The following GRM7 variants were observed in gnomAD, a reference collection of about 807,000 sequenced individuals.
The protein encoded by GRM7 is metabotropic glutamate receptor 7.
GRM7 carries 35 observed loss-of-function variants against 84.5 expected under a neutral mutation model. The observed-to-expected ratio is 0.41, with a 90% CI of 0.32 to 0.55. GRM7 has a LOEUF of 0.55. Among genes scored for constraint, GRM7 ranks in the 20% least tolerant of loss-of-function variants. The probability of loss-of-function intolerance (pLI) is 0.19; values close to 1 mark genes in which losing one functional copy is unlikely to be tolerated. For missense variants in GRM7, 1,003 were observed against 1,194.6 expected, an observed-to-expected ratio of 0.84 and a Z score of 2.36; for synonymous variants, 487 against 455.1, an observed-to-expected ratio of 1.07 and a Z score of -0.89.
chr3:7,489,708 ATTTAT>A (rs1382900451), intron 7 of GRM7, among the ~76,000 whole-genome samples: 2 of 151,482 alleles, frequency 1.3e-5, no homozygotes, highest in Non-Finnish European at 2.9e-5. Context: ...ACATTGATTA[ATTTAT>A]TAGGTATATA....
intron 2 of GRM7, among the ~76,000 whole-genome samples, chr3:7,245,842 C>G (rs1697736964): frequency 6.6e-6 from 1 of 151,940 alleles, no homozygotes; most frequent in African/African-American, 2.4e-5. Context: ...AATAGTGATG[C>G]ATTTTGAGGC....
At chr3:7,319,483 C>T (rs1700695849) in intron 4 of GRM7, among the ~76,000 whole-genome samples, 1 of 151,994 alleles carries the variant, frequency 6.6e-6, no homozygotes, top group East Asian at 1.9e-4. Context: ...TTCTTGAGAC[C>T]TGTAGCCTTT....
rs561942169 is a variant in GRM7 at position 7,610,748 on chromosome 3, T to A, written c.2451+31391T>A. Among the ~76,000 whole-genome samples, 22 of 152,300 alleles carry A rather than the reference T, an allele frequency of 1.4e-4. No homozygotes were observed. In the South Asian group the frequency reaches 2.3e-3, roughly 16 times the overall value. On this transcript the variant is annotated intron_variant, in intron 8 of 9. Transcript: ENST00000357716. Reference sequence around the variant, plus strand: ...ATTTTAGGCTTCCACGGCCTCCCGATAGTACCCAAGGCCACATGTTCTTAG... The same window carrying A: ...ATTTTAGGCTTCCACGGCCTCCCGAAAGTACCCAAGGCCACATGTTCTTAG...
At chr3:7,067,231 G>A (rs1453462110) in intron 1 of GRM7, among the ~76,000 whole-genome samples, 1 of 151,886 alleles carries the variant, frequency 6.6e-6, no homozygotes, top group Non-Finnish European at 1.5e-5. Context: ...AAGTCAAACT[G>A]TCACTGTTTG....
At chr3:7,392,044 C>T (rs958062360) in intron 4 of GRM7, among the ~76,000 whole-genome samples, 2 of 152,142 alleles carry the variant, frequency 1.3e-5, no homozygotes, top group African/African-American at 4.8e-5. Flanking sequence ...GGTGCAGTTT[C>T]ACGTTTTCTT....
At chr3:7,245,476 G>A (rs76467570) in intron 2 of GRM7, among the ~76,000 whole-genome samples, 1,931 of 151,844 alleles carry the variant, frequency 0.013, 45 homozygotes, top group African/African-American at 0.045. Context: ...GAGAAACAAA[G>A]CCATAAGATA....
At chr3:7,708,129 C>CTT (rs1258084677) in intron 9 of GRM7, among the ~76,000 whole-genome samples, 3 of 148,010 alleles carry the variant, frequency 2.0e-5, no homozygotes, top group African/African-American at 7.4e-5. Flanking sequence ...CTCTCCAAAT[C>CTT]TTTTTTTTTT....
chr3:7,146,129 T>C (rs1694103786), intron 1 of GRM7, among the ~76,000 whole-genome samples: 1 of 152,200 alleles, frequency 6.6e-6, no homozygotes, highest in Non-Finnish European at 1.5e-5. Context: ...TAGTAAAGCA[T>C]GATTCACCAT....
At chr3:7,693,219 A>T (rs1253323848) in intron 9 of GRM7, among the ~76,000 whole-genome samples, 2 of 152,174 alleles carry the variant, frequency 1.3e-5, no homozygotes, top group Non-Finnish European at 2.9e-5. Flanking sequence ...ATGAGTCTTC[A>T]TATACAGATG....
intron 8 of GRM7, among the ~76,000 whole-genome samples, chr3:7,638,536 C>A (rs1698211833): frequency 6.6e-6 from 1 of 152,284 alleles, no homozygotes; most frequent in East Asian, 1.9e-4. Context: ...CACCCTAATG[C>A]AACAAAGCCT....
intron 1 of GRM7, among the ~76,000 whole-genome samples, chr3:7,044,690 A>G (rs1373378937): frequency 5.3e-5 from 8 of 152,052 alleles, no homozygotes. Context: ...TTTTTCTCCT[A>G]TGGAAATGTG....
chr3:7,712,300 A>T (rs1165096445), intron 9 of GRM7, among the ~76,000 whole-genome samples: 1 of 152,204 alleles, frequency 6.6e-6, no homozygotes, highest in African/African-American at 2.4e-5. Context: ...TATGCCATAG[A>T]TACACTGTTA....
At chr3:7,372,713 C>A (rs1339298391) in intron 4 of GRM7, among the ~76,000 whole-genome samples, 4 of 151,940 alleles carry the variant, frequency 2.6e-5, no homozygotes, top group African/African-American at 9.7e-5. Context: ...TTGTCAAGGA[C>A]AATGAACAAT....
Position 7,409,790 on chromosome 3 carries a change from T to C in GRM7, c.1034-5233T>C, listed in dbSNP as rs569947798. 3.6e-4 allele frequency among the ~76,000 whole-genome samples: 54 copies of C among 152,024 alleles called. No individual in the cohort carries two copies. In the East Asian group the frequency reaches 9.3e-3, roughly 26 times the overall value. The stretch of plus-strand genomic sequence containing the variant: ...GAATTTTTTGTATTTTTAGTAGAGG[T>C]AGGGTTTCACCATGTTGGCCAGGAT... On this transcript the variant is annotated intron_variant, in intron 4 of 9. Transcript: ENST00000357716.
At chr3:7,038,342 G>C (rs1295061637) in intron 1 of GRM7, among the ~76,000 whole-genome samples, 2 of 152,144 alleles carry the variant, frequency 1.3e-5, no homozygotes, top group Non-Finnish European at 2.9e-5. Flanking sequence ...CAGGATTCTT[G>C]CTCTACCCTG....
chr3:7,379,624 G>A (rs1575247795), intron 4 of GRM7, among the ~76,000 whole-genome samples: 1 of 152,114 alleles, frequency 6.6e-6, no homozygotes, highest in East Asian at 1.9e-4. Flanking sequence ...TCTTTTTGGT[G>A]TAAAATTGAC....
chr3:7,711,911 C>T (rs1191799717), intron 9 of GRM7, among the ~76,000 whole-genome samples: 1 of 152,244 alleles, frequency 6.6e-6, no homozygotes, highest in African/African-American at 2.4e-5. Context: ...TACACTGTAA[C>T]TAAACCAATG....
chr3:7,004,069 G>T (rs1222660174), intron 1 of GRM7, among the ~76,000 whole-genome samples: 1 of 152,142 alleles, frequency 6.6e-6, no homozygotes, highest in African/African-American at 2.4e-5. Flanking sequence ...GCTTCCCCCA[G>T]AATAAGTGAT....
chr3:7,463,046 G>A (rs184575838), intron 7 of GRM7, among the ~76,000 whole-genome samples: 164 of 152,274 alleles, frequency 1.1e-3, no homozygotes, highest in African/African-American at 3.8e-3. Context: ...AGTATAACCT[G>A]GATGACACAC....
Sources: gnomAD v4.1 joint callset for allele counts (sites outside exome capture counted in the v4.1 genomes callset) on GRCh38, gnomAD v4.1.1 for gene constraint, MANE v1.5 for transcripts, NCBI Gene and HGNC (gene_info 2026-07-23, HGNC 2026-07-21) for gene names.